ESYT3: variants seen among roughly 807,000 people sequenced by gnomAD.
ESYT3 encodes the protein extended synaptotagmin-3.
A neutral mutation model predicts 111.5 loss-of-function variants in ESYT3; 101 were observed. That is an observed-to-expected ratio of 0.91 (90% confidence interval 0.77 to 1.07). The LOEUF (loss-of-function observed/expected upper bound fraction) is 1.07. Among genes scored for constraint, ESYT3 ranks in the 50% least tolerant of loss-of-function variants. ESYT3 has a pLI of 0.00. For synonymous variants in ESYT3, 416 were observed against 446.8 expected, an observed-to-expected ratio of 0.93 and a Z score of 0.87; for missense variants, 1,097 against 1,109.4, an observed-to-expected ratio of 0.99 and a Z score of 0.16.
At chr3:138,459,770 G>GCCT (rs1672683638) in intron 5 of ESYT3, among the ~76,000 whole-genome samples, 175 bp from the exon 6 acceptor site, 1 of 152,228 alleles carries the variant, frequency 6.6e-6, no homozygotes, top group South Asian at 2.1e-4. Flanking sequence ...CTGTGTCCAG[G>GCCT]CCTCAGCACC....
At chr3:138,465,863 AC>A (rs1424320890) in intron 10 of ESYT3, among the ~76,000 whole-genome samples, 1 of 152,158 alleles carries the variant, frequency 6.6e-6, no homozygotes, top group Non-Finnish European at 1.5e-5. Flanking sequence ...TTTAAAACTT[AC>A]ATGTATTTTG....
At chr3:138,464,244 A>G (rs970588348) in intron 8 of ESYT3, 101 bp from the exon 9 acceptor site, 1 of 1,352,414 alleles carries the variant, frequency 7.4e-7, no homozygotes, top group East Asian at 2.3e-5. Flanking sequence ...GGAGGGGGCA[A>G]TATGGGGGCA....
intron 8 of ESYT3, among the ~76,000 whole-genome samples, chr3:138,462,909 C>T (rs933456289): frequency 2.0e-5 from 3 of 152,126 alleles, no homozygotes; most frequent in East Asian, 3.9e-4. Flanking sequence ...GTGATCTGCC[C>T]GCCTCAGCCT....
intron 1 of ESYT3, among the ~76,000 whole-genome samples, chr3:138,447,403 C>T (rs1224904169): frequency 6.6e-6 from 1 of 152,128 alleles, no homozygotes; most frequent in African/African-American, 2.4e-5. Flanking sequence ...TGTCTAGATA[C>T]TTTAAAACAT....
chr3:138,436,935 G>T (rs184415371), intron 1 of ESYT3, among the ~76,000 whole-genome samples: 2 of 152,184 alleles, frequency 1.3e-5, no homozygotes, highest in Non-Finnish European at 2.9e-5. Context: ...ATCAGATCGT[G>T]TAGGGGCGTG....
rs141063309 is a variant in ESYT3, at chr3:138,464,447, G to A, written c.1018G>A (p.Gly340Ser). The A allele has an allele frequency of 8.1e-6, 13 of 1,613,956 alleles. No homozygotes were observed. In the East Asian group the frequency reaches 8.9e-5, roughly 11 times the overall value. The change falls in exon 9 of 23, where the codon GGC (glycine) becomes AGC (serine). Residue 340 changes from glycine to serine, a missense_variant. Gly to Ser is a moderately conservative substitution (Grantham distance 56, BLOSUM62 0). Coordinates refer to ENST00000389567, the MANE Select transcript of ESYT3 (RefSeq NM_031913.5). ...KSDPYAKVSI[G>S]LQHFRSRTIY... ...AGATCCCTACGCCAAGGTGAGCATCGGCCTACAGCATTTCCGGAGTAGGAC... is the reference window on the plus strand; with the variant it reads ...AGATCCCTACGCCAAGGTGAGCATCAGCCTACAGCATTTCCGGAGTAGGAC...
At chr3:138,450,368 C>T (rs1404667664) in intron 1 of ESYT3, among the ~76,000 whole-genome samples, 3 of 152,186 alleles carry the variant, frequency 2.0e-5, no homozygotes, top group South Asian at 2.1e-4. Context: ...AGAATGTTTG[C>T]TGAGCAGGTG....
intron 12 of ESYT3, 53 bp downstream of exon 12, chr3:138,468,247 G>GC: frequency 1.3e-6 from 2 of 1,545,122 alleles, no homozygotes; most frequent in Middle Eastern, 1.7e-4. Flanking sequence ...GAGCACACGT[G>GC]CCAGGTGTGT....
intron 19 of ESYT3, 67 bp downstream of exon 19, chr3:138,473,701 C>A: frequency 1.5e-6 from 2 of 1,347,230 alleles, no homozygotes; most frequent in East Asian, 2.3e-5. Context: ...AGAGTAGGGA[C>A]ACTCAGAGCA....
intron 20 of ESYT3, chr3:138,474,561 T>TC (rs1405325918): frequency 2.2e-6 from 1 of 458,392 alleles, no homozygotes; most frequent in African/African-American, 2.0e-5. Context: ...CATTTACTGC[T>TC]CATAGAGGCT....
rs61732466 is a variant in ESYT3 at position 138,468,174 on chromosome 3, G to A, written c.1288G>A (p.Asp430Asn). The change falls in exon 12 of 23, where the codon GAC (aspartate) becomes AAC (asparagine). Residue 430 changes from aspartate to asparagine, a missense_variant. Physicochemically the swap from Asp to Asn is conservative, Grantham distance 23 (BLOSUM62 1). Transcript: ENST00000389567. Reference protein sequence around the residue: ...LRLEWLSLLTDQEVLTEDHGG... With the variant: ...LRLEWLSLLTNQEVLTEDHGG... ...GCTGGAGTGGCTTTCATTGCTTACT[G>A]ACCAAGAAGTTCTGACTGAGGTGAG... 61,667 of 1,613,990 alleles carry A rather than the reference G, an allele frequency of 0.038. 1,412 individuals are homozygous for A. The highest frequency in any genetic ancestry group is 0.045 in the Non-Finnish European group (52,972 of 1,179,950).
At chr3:138,447,060 T>C (rs1396299174) in intron 1 of ESYT3, among the ~76,000 whole-genome samples, 5 of 152,042 alleles carry the variant, frequency 3.3e-5, no homozygotes, top group Admixed American at 2.0e-4. Context: ...CACAGACATA[T>C]ATGTATTACA....
chr3:138,476,192 A>T (rs2033471323), intron 20 of ESYT3, 31 bp from the exon 21 acceptor site: 1 of 1,388,424 alleles, frequency 7.2e-7, no homozygotes, highest in Non-Finnish European at 1.0e-6. Flanking sequence ...AATGAAATGC[A>T]TAATTCTCAC....
chr3:138,459,356 A>G, intron 5 of ESYT3, 103 bp downstream of exon 5: 1 of 850,240 alleles, frequency 1.2e-6, no homozygotes, highest in Middle Eastern at 2.7e-4. Context: ...AGGTGGTGGC[A>G]ACACTAAACA....
intron 20 of ESYT3, among the ~76,000 whole-genome samples, chr3:138,475,718 G>A (rs1340901985): frequency 6.6e-6 from 1 of 152,008 alleles, no homozygotes; most frequent in Non-Finnish European, 1.5e-5. Flanking sequence ...ATCTGAGGTC[G>A]GGAGTTTGAG....
intron 1 of ESYT3, among the ~76,000 whole-genome samples, chr3:138,446,357 TA>T (rs1423085395): frequency 6.6e-6 from 1 of 152,236 alleles, no homozygotes; most frequent in Non-Finnish European, 1.5e-5. Flanking sequence ...TACTGGAGAT[TA>T]TAAGTCATGT....
chr3:138,464,896 C>G (rs986262143), intron 9 of ESYT3, among the ~76,000 whole-genome samples: 1 of 152,202 alleles, frequency 6.6e-6, no homozygotes, highest in Non-Finnish European at 1.5e-5. Context: ...TTAAGCCCCC[C>G]AGATTACACG....
chr3:138,457,435 A>G, intron 3 of ESYT3, 133 bp from the exon 4 acceptor site: 1 of 806,740 alleles, frequency 1.2e-6, no homozygotes, highest in Non-Finnish European at 2.2e-6. Context: ...GGATAGATTT[A>G]CATGTCTGTG....
intron 1 of ESYT3, among the ~76,000 whole-genome samples, chr3:138,449,468 T>TC (rs2031785867): frequency 6.6e-6 from 1 of 152,058 alleles, no homozygotes. Context: ...CTGACTGAAC[T>TC]CCAACATCAT....
Sources: gnomAD v4.1 joint callset for allele counts (sites outside exome capture counted in the v4.1 genomes callset) on GRCh38, gnomAD v4.1.1 for gene constraint, MANE v1.5 for transcripts, NCBI Gene and HGNC (gene_info 2026-07-23, HGNC 2026-07-21) for gene names.